OPHN1: variants seen among roughly 807,000 people sequenced by gnomAD.
OPHN1 encodes the protein oligophrenin-1.
OPHN1 carries 11 observed loss-of-function variants against 60.7 expected under a neutral mutation model. The observed-to-expected ratio is 0.18, with a 90% CI of 0.11 to 0.30. The LOEUF is 0.30. Ranked by LOEUF, OPHN1 falls within the 10% of genes least tolerant of loss-of-function variation. The probability of loss-of-function intolerance (pLI) is 1.00; values close to 1 mark genes in which losing one functional copy is unlikely to be tolerated. For synonymous variants in OPHN1, 226 were observed against 222.6 expected (o/e 1.02, Z -0.14); for missense variants, 449 against 611.0 (o/e 0.73, Z 2.80).
chrX:68,122,693 TG>T (rs2077155342), intron 15 of OPHN1, among the ~76,000 whole-genome samples: 1 of 110,598 alleles, frequency 9.0e-6, no homozygotes, highest in African/African-American at 3.3e-5. Flanking sequence ...AGTTAAAAAA[TG>T]TAAGTGACAT....
At chrX:68,240,525 C>CT (rs1334195980) in intron 5 of OPHN1, among the ~76,000 whole-genome samples, 1 of 110,663 alleles carries the variant, frequency 9.0e-6, no homozygotes, top group Admixed American at 9.7e-5. Flanking sequence ...AACCTCATCT[C>CT]TTTTTTTTCA....
At position 68,433,117 on chromosome X, in the gene OPHN1, G is replaced by T. The variant is rs754191709; in HGVS notation, c.-5+51C>A. On this transcript the variant is annotated intron_variant, in intron 1 of 24. Coordinates refer to ENST00000355520, the MANE Select transcript of OPHN1 (RefSeq NM_002547.3). ...GAAGTAGAGGGGACGGACTGAGCGC[G>T]CGACCCGCTTAAGGAAGCTCATAGC... 1.3e-5 allele frequency: 12 copies of T among 913,991 alleles called. No homozygotes were observed. In the South Asian group the frequency reaches 3.0e-4, roughly 23 times the overall value. The allele number at this position is 913,991 out of a possible 1,213,427, so 75.3% of individuals were successfully genotyped here.
intron 19 of OPHN1, among the ~76,000 whole-genome samples, chrX:68,094,921 A>G (rs763339038): frequency 9.0e-6 from 1 of 111,094 alleles, no homozygotes; most frequent in Admixed American, 9.6e-5. Flanking sequence ...TAGGTGAATG[A>G]ATCATTCCTC....
At chrX:68,228,511 A>C (rs1435164818) in intron 6 of OPHN1, among the ~76,000 whole-genome samples, 3 of 112,120 alleles carry the variant, frequency 2.7e-5, no homozygotes, top group African/African-American at 9.7e-5. Flanking sequence ...AAAAATCCTC[A>C]ATAAAATACT....
chrX:68,323,214 T>C (rs968853800), intron 2 of OPHN1, among the ~76,000 whole-genome samples: 2 of 112,284 alleles, frequency 1.8e-5, no homozygotes, highest in East Asian at 2.8e-4. Flanking sequence ...TTATGTAAGA[T>C]ACAATTACAT....
At chrX:68,226,745 A>G (rs1034482290) in intron 6 of OPHN1, among the ~76,000 whole-genome samples, 7 of 111,768 alleles carry the variant, frequency 6.3e-5, no homozygotes, top group Admixed American at 1.9e-4. Context: ...AAACATGGAA[A>G]GGAACAACCA....
chrX:68,420,848 A>G (rs1359843833), intron 2 of OPHN1, among the ~76,000 whole-genome samples: 1 of 73,311 alleles, frequency 1.4e-5, no homozygotes, highest in Non-Finnish European at 2.4e-5. Context: ...TTCTCAACAG[A>G]AAAAAAAAAA....
At chrX:68,265,144 A>T (rs2077917050) in intron 5 of OPHN1, among the ~76,000 whole-genome samples, 1 of 112,362 alleles carries the variant, frequency 8.9e-6, no homozygotes, top group South Asian at 3.7e-4. Flanking sequence ...TCTTCTGCAG[A>T]CTTAAATGTC....
In OPHN1 at chrX:68,166,638, T is replaced by C. The variant is rs188459240; in HGVS notation, c.1276+26281A>G. 6.2e-3 allele frequency among the ~76,000 whole-genome samples: 699 copies of C among 112,149 alleles called. 2 individuals are homozygous for C. Among genetic ancestry groups the C allele is most frequent in the Non-Finnish European group, 0.01 (546 of 53,248 alleles). Reference sequence around the variant, plus strand: ...GAATCATATACCTGACTTCAAATTATACTACACAGCTATAGTAACCAAAAT... The same window carrying C: ...GAATCATATACCTGACTTCAAATTACACTACACAGCTATAGTAACCAAAAT... On this transcript the variant is annotated intron_variant, in intron 15 of 24. Transcript: ENST00000355520.
chrX:68,422,738 A>G (rs1204431094), intron 2 of OPHN1, among the ~76,000 whole-genome samples: 1 of 85,718 alleles, frequency 1.2e-5, no homozygotes, highest in Non-Finnish European at 2.3e-5. Context: ...GAAGGAAGGA[A>G]GGAAGGAAGG....
Position 68,339,963 on chromosome X carries a change from G to A in OPHN1, c.155-40867C>T, listed in dbSNP as rs966835744. On this transcript the variant is annotated intron_variant, in intron 2 of 24. Transcript: ENST00000355520. Reference sequence around the variant, plus strand: ...GCAAAAATAAAGAACACTGTTTCACGTACAATGGTCTGAAAAATAATACTT... The same window carrying A: ...GCAAAAATAAAGAACACTGTTTCACATACAATGGTCTGAAAAATAATACTT... 4.5e-5 allele frequency among the ~76,000 whole-genome samples: 5 copies of A among 111,980 alleles called. No homozygotes were observed. The Admixed American group carries it at 4.8e-4, about 11-fold the overall frequency.
At chrX:68,318,352 G>C (rs1472142363) in intron 2 of OPHN1, among the ~76,000 whole-genome samples, 1 of 111,693 alleles carries the variant, frequency 9.0e-6, no homozygotes, top group Non-Finnish European at 1.9e-5. Flanking sequence ...TTGATATACA[G>C]GTTTCAGGCA....
At chrX:68,318,818 C>T (rs5965545) in intron 2 of OPHN1, among the ~76,000 whole-genome samples, 9,053 of 111,294 alleles carry the variant, frequency 0.081, 919 homozygotes, top group African/African-American at 0.28. Flanking sequence ...TTTCCTTGTT[C>T]TTGATGACCT....
At chrX:68,323,196 C>T (rs1303863958) in intron 2 of OPHN1, among the ~76,000 whole-genome samples, 2 of 111,998 alleles carry the variant, frequency 1.8e-5, no homozygotes, top group Non-Finnish European at 3.8e-5. Flanking sequence ...TTTTATATTA[C>T]AGTATAATTA....
chrX:68,345,702 A>G (rs1029330379), intron 2 of OPHN1, among the ~76,000 whole-genome samples: 9 of 112,178 alleles, frequency 8.0e-5, no homozygotes, highest in Non-Finnish European at 1.5e-4. Flanking sequence ...CCAAAAATAC[A>G]AAAATTATCC....
At chrX:68,387,892 CAG>C (rs1329398085) in intron 2 of OPHN1, among the ~76,000 whole-genome samples, 1 of 110,833 alleles carries the variant, frequency 9.0e-6, no homozygotes, top group Non-Finnish European at 1.9e-5. Flanking sequence ...GAGTGTGATG[CAG>C]AGAGCTTTAC....
At chrX:68,099,683 C>T (rs2077050498) in intron 18 of OPHN1, among the ~76,000 whole-genome samples, 1 of 112,326 alleles carries the variant, frequency 8.9e-6, no homozygotes, top group Non-Finnish European at 1.9e-5. Flanking sequence ...GAAACCATTA[C>T]TCAACCCCAA....
chrX:68,090,437 C>A (rs191944987), intron 19 of OPHN1, among the ~76,000 whole-genome samples: 27 of 111,387 alleles, frequency 2.4e-4, no homozygotes, highest in Non-Finnish European at 2.3e-4. Context: ...ACACATTCAT[C>A]TGTTCTCTTG....
intron 2 of OPHN1, among the ~76,000 whole-genome samples, chrX:68,423,440 T>G (rs76257020): frequency 2.6e-4 from 26 of 100,955 alleles, no homozygotes; most frequent in African/African-American, 9.7e-4. Flanking sequence ...AAACACAATG[T>G]TTTTTTTTTT....
Sources: allele counts gnomAD v4.1 joint callset (sites outside exome capture counted in the v4.1 genomes callset), GRCh38; gene constraint gnomAD v4.1.1; transcripts MANE v1.5; gene names NCBI Gene and HGNC (gene_info 2026-07-23, HGNC 2026-07-21).